LTBP1: variants seen among roughly 807,000 people sequenced by gnomAD.
LTBP1 encodes latent-transforming growth factor beta-binding protein 1.
Under a neutral mutation model 207.6 loss-of-function variants are expected in LTBP1, and 129 were observed. The observed-to-expected ratio is 0.62, with a 90% CI of 0.54 to 0.72. The LOEUF (loss-of-function observed/expected upper bound fraction) is 0.72. Ranked by LOEUF, LTBP1 falls within the 30% of genes least tolerant of loss-of-function variation. The pLI is 0.00. For missense variants in LTBP1, 2,281 were observed against 2,217.2 expected (o/e 1.03, Z -0.58); for synonymous variants, 963 against 833.7 (o/e 1.16, Z -2.67).
At chr2:33,085,484 A>G (rs918154375) in intron 3 of LTBP1, among the ~76,000 whole-genome samples, 2 of 152,196 alleles carry the variant, frequency 1.3e-5, no homozygotes, top group African/African-American at 2.4e-5. Context: ...TCCCCTTCAG[A>G]TGTATTTCAT....
Position 33,073,608 on chromosome 2 carries a change from T to G in LTBP1, c.864-36974T>G, listed in dbSNP as rs1436479955. 2.0e-5 allele frequency among the ~76,000 whole-genome samples: 3 copies of G among 152,262 alleles called. No homozygotes were observed. The East Asian group carries it at 5.8e-4, about 29-fold the overall frequency. ...TTTTATTCAGTCTCCAAAGTTGCTC[T>G]GAAACATCAGTTTTTCTTCTTTCTT... On this transcript the variant is annotated intron_variant, in intron 3 of 33. Transcript: ENST00000404816.
At chr2:33,217,051 T>TCTGTC (rs1220886508) in intron 7 of LTBP1, among the ~76,000 whole-genome samples, 1 of 152,174 alleles carries the variant, frequency 6.6e-6, no homozygotes, top group African/African-American at 2.4e-5. Flanking sequence ...AATTGTTTCT[T>TCTGTC]CTGTCCTGTC....
chr2:33,148,892 G>A (rs1179336098), intron 5 of LTBP1, among the ~76,000 whole-genome samples: 1 of 152,168 alleles, frequency 6.6e-6, no homozygotes, highest in Non-Finnish European at 1.5e-5. Context: ...GGAGGCCGGG[G>A]ATGCTGTGTG....
At chr2:33,073,346 C>T (rs1254713704) in intron 3 of LTBP1, among the ~76,000 whole-genome samples, 1 of 150,436 alleles carries the variant, frequency 6.6e-6, no homozygotes, top group Admixed American at 6.6e-5. Context: ...CTATAAAGGA[C>T]TCTGTGCTTT....
intron 1 of LTBP1, among the ~76,000 whole-genome samples, chr2:32,948,376 C>G (rs990709096): frequency 6.6e-6 from 1 of 152,084 alleles, no homozygotes. Flanking sequence ...TGGAATGTTT[C>G]TGTTACTGGG....
At chr2:33,317,310 A>G (rs76760307) in intron 24 of LTBP1, among the ~76,000 whole-genome samples, 3,019 of 152,366 alleles carry the variant, frequency 0.02, 43 homozygotes, top group Middle Eastern at 0.11. Context: ...GGACAATTTT[A>G]TAAGTAATGA....
intron 9 of LTBP1, among the ~76,000 whole-genome samples, chr2:33,237,187 T>G (rs183680367): frequency 4.6e-5 from 7 of 152,266 alleles, no homozygotes; most frequent in East Asian, 3.9e-4. Flanking sequence ...GTTAATAGAT[T>G]GTGTGTTAAA....
intron 3 of LTBP1, among the ~76,000 whole-genome samples, chr2:33,047,097 T>C (rs1558559597): frequency 1.3e-5 from 2 of 152,202 alleles, no homozygotes; most frequent in Admixed American, 6.5e-5. Flanking sequence ...AAGGGTTTTT[T>C]GTGTCTCTAT....
chr2:33,152,207 CA>C (rs948779666), intron 5 of LTBP1, among the ~76,000 whole-genome samples: 14 of 151,764 alleles, frequency 9.2e-5, no homozygotes, highest in African/African-American at 3.4e-4. Flanking sequence ...ACAAGGAACT[CA>C]AAAAAGCAGT....
At position 32,977,171 on chromosome 2, in the gene LTBP1, G is replaced by A. The variant is rs544698085; in HGVS notation, c.565+28226G>A. Among the ~76,000 whole-genome samples, 6 of 152,368 alleles carry A rather than the reference G, an allele frequency of 3.9e-5. No individual in the cohort carries two copies. In the South Asian group the frequency reaches 6.2e-4, roughly 16 times the overall value. Reference sequence around the variant, plus strand: ...GGCCTGCCTGGCTACCGGCTTTGGGGGTGGGTGGAGTGGCCTCCCCTGCTG... The same window carrying A: ...GGCCTGCCTGGCTACCGGCTTTGGGAGTGGGTGGAGTGGCCTCCCCTGCTG... On this transcript the variant is annotated intron_variant, in intron 2 of 33. Coordinates refer to ENST00000404816, the MANE Select transcript of LTBP1 (RefSeq NM_206943.4).
Position 33,300,488 on chromosome 2 carries a change from C to A in LTBP1, c.3273C>A (p.Asn1091Lys), listed in dbSNP as rs563852811. ...DECQQGNLCV[N>K]GQCKNTEGSF... ...GTCAGCAAGGGAATCTATGTGTAAA[C>A]GGGCAGTGCAAAAATACCGAGGGCT... Residue 1091 changes from asparagine (N) to lysine (K), a missense_variant, in exon 21 of 34, where the codon AAC becomes AAA. Transcript: ENST00000404816. The A allele has an allele frequency of 6.2e-7, 1 of 1,613,578 alleles. No individual in the cohort carries two copies. The highest frequency in any genetic ancestry group is 2.2e-5 in the East Asian group (1 of 44,850).
chr2:33,331,848 G>T (rs1318946676), intron 24 of LTBP1, among the ~76,000 whole-genome samples: 1 of 151,984 alleles, frequency 6.6e-6, no homozygotes, highest in Admixed American at 6.6e-5. Context: ...GGTTTTATGT[G>T]TATTTTTTTG....
intron 19 of LTBP1, among the ~76,000 whole-genome samples, chr2:33,286,637 A>G (rs1175407965): frequency 6.6e-6 from 1 of 152,212 alleles, no homozygotes; most frequent in Non-Finnish European, 1.5e-5. Flanking sequence ...TTGTCTGTGT[A>G]TCTATATGCC....
At chr2:33,283,670 T>G (rs188599556) in intron 19 of LTBP1, among the ~76,000 whole-genome samples, 3,059 of 152,232 alleles carry the variant, frequency 0.02, 45 homozygotes, top group Middle Eastern at 0.11. Flanking sequence ...TCTCCTGACC[T>G]CGTGATCCAC....
At chr2:32,983,576 A>G (rs1480100018) in intron 2 of LTBP1, among the ~76,000 whole-genome samples, 2 of 152,186 alleles carry the variant, frequency 1.3e-5, no homozygotes, top group Non-Finnish European at 2.9e-5. Context: ...TGTAACTCCC[A>G]ATAATCCCCT....
chr2:33,283,486 A>T (rs1418052498), intron 19 of LTBP1, among the ~76,000 whole-genome samples: 1 of 126,734 alleles, frequency 7.9e-6, no homozygotes, highest in Admixed American at 1.0e-4. Flanking sequence ...GCCCAGGCTG[A>T]AGTGGAGTGG....
At chr2:33,376,635 T>G (rs1312183827) in intron 31 of LTBP1, among the ~76,000 whole-genome samples, 1 of 152,220 alleles carries the variant, frequency 6.6e-6, no homozygotes, top group Non-Finnish European at 1.5e-5. Context: ...TATCTTCCAT[T>G]GCAGTGACTT....
In LTBP1 at chr2:33,016,977, A is replaced by G. The variant is rs140095640; in HGVS notation, c.566-3932A>G. 2.5e-3 allele frequency among the ~76,000 whole-genome samples: 377 copies of G among 152,366 alleles called. 15 individuals are homozygous for G. The East Asian group carries it at 0.063, about 25-fold the overall frequency. On this transcript the variant is annotated intron_variant, in intron 2 of 33. Coordinates refer to ENST00000404816, the MANE Select transcript of LTBP1 (RefSeq NM_206943.4). ...AGTTGCAGTGAGTCAAGATCGTGCC[A>G]CTGCACTCCAGCCTGGGTGACAGAG... is the stretch of plus-strand genomic sequence containing the variant.
chr2:32,978,305 C>A (rs574136423), intron 2 of LTBP1, among the ~76,000 whole-genome samples: 35 of 152,210 alleles, frequency 2.3e-4, no homozygotes, highest in African/African-American at 8.4e-4. Flanking sequence ...ATCTTTTCCC[C>A]ATTCATCATG....
Sources: allele counts gnomAD v4.1 joint callset (sites outside exome capture counted in the v4.1 genomes callset), GRCh38; gene constraint gnomAD v4.1.1; transcripts MANE v1.5; gene names NCBI Gene and HGNC (gene_info 2026-07-23, HGNC 2026-07-21).